ZNF544: variants seen among roughly 807,000 people sequenced by gnomAD.
ZNF544 encodes the protein zinc finger protein AF020591.
In ZNF544, 10 loss-of-function variants were observed where a neutral mutation model predicts 13.5. The ratio of observed to expected loss-of-function variants is 0.74; its 90% CI spans 0.46 to 1.25. The LOEUF (loss-of-function observed/expected upper bound fraction) is 1.25. ZNF544 is among the 50% of genes most tolerant of loss of function. ZNF544 has a pLI of 0.00. For synonymous variants in ZNF544, 323 were observed against 300.5 expected, an observed-to-expected ratio of 1.07 and a Z score of -0.77; for missense variants, 896 against 845.6, an observed-to-expected ratio of 1.06 and a Z score of -0.74.
chr19:58,256,647 G>T (rs751858589), intron 6 of ZNF544, among the ~76,000 whole-genome samples: 29 of 152,160 alleles, frequency 1.9e-4, no homozygotes, highest in Non-Finnish European at 4.0e-4. Context: ...AAGGTTTTCT[G>T]TTGTTATCTC....
Position 58,241,598 on chromosome 19 carries a change from G to C in ZNF544, c.-59-2367G>C, listed in dbSNP as rs1311240635. ...TGCAAGCTCCGCCTCCTGGGTTCAC[G>C]CTATTTTCCTGCTTCGGCCTCCTGA... On this transcript the variant is annotated intron_variant, in intron 3 of 6. Coordinates refer to ENST00000687789, the MANE Select transcript of ZNF544 (RefSeq NM_014480.4). Among the ~76,000 whole-genome samples, 3 of 151,400 alleles carry C rather than the reference G, an allele frequency of 2.0e-5. No homozygotes were observed. The East Asian group carries it at 5.8e-4, about 29-fold the overall frequency.
chr19:58,233,567 G>A (rs48524), intron 3 of ZNF544, among the ~76,000 whole-genome samples: 80,358 of 151,938 alleles, frequency 0.53, 21,905 homozygotes, highest in African/African-American at 0.65. Flanking sequence ...GTCAAGGTAG[G>A]TTATAGATTT....
At chr19:58,248,603 A>G (rs1034434563) in intron 6 of ZNF544, among the ~76,000 whole-genome samples, 1 of 152,102 alleles carries the variant, frequency 6.6e-6, no homozygotes, top group African/African-American at 2.4e-5. Context: ...CCACCATTAT[A>G]GTATCAGACA....
chr19:58,239,877 C>G (rs1198658918), intron 3 of ZNF544, among the ~76,000 whole-genome samples: 1 of 142,786 alleles, frequency 7.0e-6, no homozygotes. Context: ...CCAGCCTGGG[C>G]AACAGAGCAA....
chr19:58,243,401 A>C (rs926854645), intron 3 of ZNF544, among the ~76,000 whole-genome samples: 13 of 151,546 alleles, frequency 8.6e-5, no homozygotes, highest in Admixed American at 5.3e-4. Flanking sequence ...GACTGCTGCA[A>C]GGGGATTAGA....
chr19:58,242,458 T>C (rs1394040935), intron 3 of ZNF544: 2 of 181,596 alleles, frequency 1.1e-5, no homozygotes, highest in Non-Finnish European at 2.1e-5. Flanking sequence ...GAATGATAAG[T>C]GTTCAGCGTC....
At chr19:58,250,706 G>A (rs1185306667) in intron 6 of ZNF544, among the ~76,000 whole-genome samples, 1 of 152,154 alleles carries the variant, frequency 6.6e-6, no homozygotes, top group Non-Finnish European at 1.5e-5. Flanking sequence ...GTTTCTGTGG[G>A]ATGCAACCCC....
rs201956769 is a variant in ZNF544 at position 58,262,018 on chromosome 19, A to T, written c.1412A>T (p.Lys471Met). ...CCGTATGAGTGCACTCACTGTGGAA[A>T]GTCCTTCAGCCAAAGCTATGAGTTA... ...EKPYECTHCG[K>M]SFSQSYELVT... Residue 471 changes from lysine (K) to methionine (M), a missense_variant, in exon 7 of 7, where the codon AAG becomes ATG. Physicochemically the swap from Lys to Met is moderately conservative, Grantham distance 95 (BLOSUM62 -1). Transcript: ENST00000687789. 4.5e-4 allele frequency: 732 copies of T among 1,613,582 alleles called. 1 individual carries two copies. Among genetic ancestry groups the T allele is most frequent in the Non-Finnish European group, 5.6e-4 (665 of 1,179,950 alleles).
exon 7 of ZNF544, chr19:58,277,448 T>C (rs1048964663): frequency 2.3e-5 from 9 of 399,522 alleles, no homozygotes; most frequent in African/African-American, 1.9e-4. Flanking sequence ...AACTATACTG[T>C]TCCCTGCTAT....
In ZNF544 at chr19:58,263,270, G is replaced by C; in HGVS notation, c.*516G>C. On this transcript the variant is annotated 3_prime_UTR_variant, in exon 7 of 7. Coordinates refer to ENST00000687789, the MANE Select transcript of ZNF544 (RefSeq NM_014480.4). ...GAGCCCAGGAGTTTGAAACCAGCCT[G>C]GGTAACATGGCAAAATCCTGTCTTT... The C allele has an allele frequency of 1.1e-6, 1 of 911,930 alleles. No individual in the cohort carries two copies. Among genetic ancestry groups the C allele is most frequent in the Non-Finnish European group, 1.3e-6 (1 of 766,638 alleles). The allele number at this position is 911,930 out of a possible 1,614,324, so 56.5% of individuals were successfully genotyped here. A position where few individuals can be genotyped will look rare whatever the true frequency, so the allele number is the denominator to read the frequency against.
At chr19:58,241,164 T>TATATATATATATATATTTAA (rs1392289213) in intron 3 of ZNF544, among the ~76,000 whole-genome samples, 4 of 92,244 alleles carry the variant, frequency 4.3e-5, no homozygotes, top group Non-Finnish European at 7.9e-5. Context: ...TATATTTAAA[T>TATATATATATATATATTTAA]ATATATATAT....
Position 58,263,417 on chromosome 19 carries a change from T to G in ZNF544, c.*663T>G. 2 of 981,338 alleles carry G rather than the reference T, an allele frequency of 2.0e-6. No homozygotes were observed. The highest frequency in any genetic ancestry group is 2.4e-6 in the Non-Finnish European group (2 of 826,548). The allele number at this position is 981,338 out of a possible 1,614,324, so 60.8% of individuals were successfully genotyped here. On this transcript the variant is annotated 3_prime_UTR_variant, in exon 7 of 7. Coordinates refer to ENST00000687789, the MANE Select transcript of ZNF544 (RefSeq NM_014480.4). ...CGGTGGTTGCAGTGAGCTGTGATCA[T>G]GCCATCACACCGCTGCCTTGTGAGA...
At chr19:58,234,183 T>C (rs573499207) in intron 3 of ZNF544, among the ~76,000 whole-genome samples, 1 of 152,300 alleles carries the variant, frequency 6.6e-6, no homozygotes, top group South Asian at 2.1e-4. Flanking sequence ...GAATCTAAAC[T>C]TGTATGGGAC....
chr19:58,275,559 A>G (rs1276690142), intron 5 of ZNF544, among the ~76,000 whole-genome samples: 1 of 152,018 alleles, frequency 6.6e-6, no homozygotes, highest in Non-Finnish European at 1.5e-5. Flanking sequence ...TTGTAATTCC[A>G]GCACTTTGGG....
chr19:58,244,392 A>G (rs540450095), intron 4 of ZNF544, among the ~76,000 whole-genome samples: 7 of 151,666 alleles, frequency 4.6e-5, no homozygotes, highest in Non-Finnish European at 7.4e-5. Context: ...TGGGCCCTCA[A>G]TCCTCACGGA....
In ZNF544 at chr19:58,245,620, A is replaced by T. The variant is rs563786184; in HGVS notation, c.34-681A>T. On this transcript the variant is annotated intron_variant, in intron 4 of 6. Transcript: ENST00000687789. The stretch of plus-strand genomic sequence containing the variant: ...CGGTCAATCACCTTCTTCAACAGTC[A>T]CTTTGGGAGTTAGGGTTCAACATGT... Among the ~76,000 whole-genome samples, 152 of 152,262 alleles carry T rather than the reference A, an allele frequency of 1.0e-3. 1 individual carries two copies. Among genetic ancestry groups the T allele is most frequent in the African/African-American group, 3.3e-3 (136 of 41,542 alleles).
intron 4 of ZNF544, among the ~76,000 whole-genome samples, chr19:58,244,307 C>T (rs2044581172): frequency 6.6e-6 from 1 of 151,850 alleles, no homozygotes; most frequent in Admixed American, 6.6e-5. Flanking sequence ...GTCTGTGCTT[C>T]CGACATTCTG....
chr19:58,241,102 C>G (rs899407734), intron 3 of ZNF544, among the ~76,000 whole-genome samples: 1 of 92,322 alleles, frequency 1.1e-5, no homozygotes, highest in African/African-American at 3.7e-5. Flanking sequence ...CTCTCAAGAA[C>G]TTGGGACCAC....
intron 6 of ZNF544, among the ~76,000 whole-genome samples, chr19:58,256,566 C>T (rs966391066): frequency 6.6e-6 from 1 of 152,144 alleles, no homozygotes; most frequent in Admixed American, 6.5e-5. Flanking sequence ...AGAAGAGCAA[C>T]GGTACCACGT....
Sources: allele counts gnomAD v4.1 joint callset (sites outside exome capture counted in the v4.1 genomes callset), GRCh38; gene constraint gnomAD v4.1.1; transcripts MANE v1.5; gene names NCBI Gene and HGNC (gene_info 2026-07-23, HGNC 2026-07-21).